Variants in LAMA3 observed in about 807,000 individuals in gnomAD.
The protein encoded by LAMA3 is laminin subunit alpha-3.
Under a neutral mutation model 402.0 loss-of-function variants are expected in LAMA3, and 281 were observed. That is an observed-to-expected ratio of 0.70 (90% confidence interval 0.63 to 0.77). The LOEUF (loss-of-function observed/expected upper bound fraction) is 0.77. Ranked by LOEUF, LAMA3 falls within the 30% of genes least tolerant of loss-of-function variation. The pLI is 0.00. For missense variants in LAMA3, 3,840 were observed against 4,215.5 expected (o/e 0.91, Z 2.47); for synonymous variants, 1,431 against 1,558.4 (o/e 0.92, Z 1.93).
chr18:23,747,851 G>C (rs528755419), intron 2 of LAMA3, 92 bp from the exon 3 acceptor site: 2 of 802,468 alleles, frequency 2.5e-6, no homozygotes. Flanking sequence ...GTGGTGGGAC[G>C]TGTTGCCTTG....
chr18:23,874,032 TCA>T (rs1259823985), intron 38 of LAMA3, among the ~76,000 whole-genome samples: 1 of 152,224 alleles, frequency 6.6e-6, no homozygotes, highest in Admixed American at 6.5e-5. Flanking sequence ...TGACAAATCC[TCA>T]GAGTCACATG....
chr18:23,740,393 C>T (rs1389732154), intron 2 of LAMA3, among the ~76,000 whole-genome samples: 1 of 152,018 alleles, frequency 6.6e-6, no homozygotes, highest in African/African-American at 2.4e-5. Context: ...TAACAACTTC[C>T]CCTTTGTCTT....
In LAMA3 at chr18:23,722,212, C is replaced by T. The variant is rs145084006; in HGVS notation, c.447+8140C>T. 6.6e-4 allele frequency among the ~76,000 whole-genome samples: 101 copies of T among 152,286 alleles called. 1 individual carries two copies. Among genetic ancestry groups the T allele is most frequent in the Non-Finnish European group, 1.1e-3 (73 of 68,024 alleles). On this transcript the variant is annotated intron_variant, in intron 2 of 74. Coordinates refer to ENST00000313654, the MANE Select transcript of LAMA3 (RefSeq NM_198129.4). ...GTGCTATTCACAGTTCTTGGAATTC[C>T]TTCCCACCTTGCCTGGTCTGGCTAT...
intron 14 of LAMA3, 81 bp downstream of exon 14, chr18:23,813,184 T>TC (rs1322133591): frequency 1.0e-6 from 1 of 958,660 alleles, no homozygotes; most frequent in East Asian, 2.4e-5. Context: ...TGTGGGCACT[T>TC]CCAGAAATTA....
chr18:23,702,826 C>A (rs1260944239), intron 1 of LAMA3, among the ~76,000 whole-genome samples: 2 of 152,180 alleles, frequency 1.3e-5, no homozygotes, highest in Admixed American at 6.5e-5. Flanking sequence ...TCCAGCATCC[C>A]CTCTTGGGCT....
intron 59 of LAMA3, 23 bp downstream of exon 59, chr18:23,915,445 A>C: frequency 6.2e-7 from 1 of 1,609,032 alleles, no homozygotes; most frequent in South Asian, 1.1e-5. Flanking sequence ...TAGAAACCAG[A>C]AACTCTGTAA....
intron 12 of LAMA3, among the ~76,000 whole-genome samples, chr18:23,786,559 C>T (rs948678351): frequency 5.3e-5 from 8 of 152,160 alleles, no homozygotes; most frequent in Admixed American, 1.3e-4. Context: ...AAGACCATGG[C>T]GCCACCTCCA....
intron 35 of LAMA3, among the ~76,000 whole-genome samples, chr18:23,863,003 GAGAGAGAGAGAGAGAGAA>G (rs1028962037): frequency 6.6e-6 from 1 of 150,576 alleles, no homozygotes; most frequent in Non-Finnish European, 1.5e-5. Flanking sequence ...CAGGGTGGGG[GAGAGAGAGAGAGAGAGAA>G]AGAGAGAGAG....
chr18:23,835,810 C>T (rs7242115), intron 24 of LAMA3, among the ~76,000 whole-genome samples: 24,042 of 151,942 alleles, frequency 0.16, 2,853 homozygotes, highest in East Asian at 0.59. Flanking sequence ...GCATCTTCTG[C>T]TGAGGTTTCA....
intron 2 of LAMA3, among the ~76,000 whole-genome samples, chr18:23,747,103 G>C (rs766659074): frequency 1.3e-5 from 2 of 152,052 alleles, no homozygotes; most frequent in African/African-American, 2.4e-5. Context: ...AGCCTGGAAG[G>C]GGGTGGGGAT....
At chr18:23,692,808 GT>G (rs578011491) in intron 1 of LAMA3, among the ~76,000 whole-genome samples, 7 of 149,936 alleles carry the variant, frequency 4.7e-5, no homozygotes, top group East Asian at 1.9e-4. Flanking sequence ...TATATATTTA[GT>G]TTTTTTTTAG....
chr18:23,944,043 T>C (rs2082621127), intron 69 of LAMA3, 72 bp downstream of exon 69: 2 of 1,413,136 alleles, frequency 1.4e-6, no homozygotes, highest in Non-Finnish European at 2.0e-6. Flanking sequence ...AAAATAGGAG[T>C]CCCAGCATCC....
intron 2 of LAMA3, among the ~76,000 whole-genome samples, chr18:23,723,492 T>C (rs1407498387): frequency 6.6e-6 from 1 of 151,140 alleles, no homozygotes; most frequent in African/African-American, 2.5e-5. Flanking sequence ...ATGATCACAT[T>C]TAGTAGGAAA....
intron 60 of LAMA3, among the ~76,000 whole-genome samples, chr18:23,919,731 G>C (rs113386792): frequency 2.2e-3 from 333 of 152,282 alleles, no homozygotes; most frequent in Non-Finnish European, 3.4e-3. Context: ...TGCGGGGCTG[G>C]AGAGCCAGAG....
At chr18:23,816,325 C>A in intron 17 of LAMA3, 63 bp from the exon 18 acceptor site, 1 of 1,276,128 alleles carries the variant, frequency 7.8e-7, no homozygotes, top group Non-Finnish European at 1.1e-6. Flanking sequence ...TCTTGTACAG[C>A]AGGGGAGGCG....
chr18:23,895,294 C>T (rs1002881303), intron 44 of LAMA3, among the ~76,000 whole-genome samples: 6 of 152,172 alleles, frequency 3.9e-5, no homozygotes, highest in East Asian at 1.9e-4. Context: ...TTTTTCTCAT[C>T]GAGCCTTTAT....
intron 32 of LAMA3, among the ~76,000 whole-genome samples, chr18:23,854,940 G>A (rs2064035772): frequency 3.9e-5 from 6 of 152,134 alleles, no homozygotes; most frequent in African/African-American, 7.2e-5. Context: ...AGCCGAGATC[G>A]CGCCACTGCA....
intron 43 of LAMA3, 83 bp from the exon 44 acceptor site, chr18:23,894,824 C>T: frequency 1.3e-6 from 2 of 1,567,006 alleles, no homozygotes; most frequent in Admixed American, 1.7e-5. Context: ...TGCATGCCAA[C>T]TGGGCTGCAT....
chr18:23,924,543 C>CTTTTTT (rs66546657), intron 62 of LAMA3, among the ~76,000 whole-genome samples: 1 of 89,104 alleles, frequency 1.1e-5, no homozygotes, highest in African/African-American at 3.6e-5. Flanking sequence ...CTTTTTTTTT[C>CTTTTTT]TTTTTTTTTT....
Sources: allele counts gnomAD v4.1 joint callset (sites outside exome capture counted in the v4.1 genomes callset), GRCh38; gene constraint gnomAD v4.1.1; transcripts MANE v1.5; gene names NCBI Gene and HGNC (gene_info 2026-07-23, HGNC 2026-07-21).